Variants in CORO2B observed in about 807,000 individuals in gnomAD.
CORO2B encodes the protein coronin 2B.
Under a neutral mutation model 58.8 loss-of-function variants are expected in CORO2B, and 26 were observed. That is an observed-to-expected ratio of 0.44 (90% CI 0.32 to 0.61). The LOEUF is 0.61. CORO2B is among the 20% of genes least tolerant of loss of function. The probability of loss-of-function intolerance (pLI) is 0.04; values close to 1 mark genes in which losing one functional copy is unlikely to be tolerated. For missense variants in CORO2B, 460 were observed against 645.1 expected, an observed-to-expected ratio of 0.71 and a Z score of 3.11; for synonymous variants, 242 against 253.8, an observed-to-expected ratio of 0.95 and a Z score of 0.44.
chr15:68,594,436 C>A (rs1213987717), intron 1 of CORO2B, among the ~76,000 whole-genome samples: 1 of 152,208 alleles, frequency 6.6e-6, no homozygotes, highest in Non-Finnish European at 1.5e-5. Flanking sequence ...GGTTCCCCAG[C>A]CCAGGTGAGC....
chr15:68,555,961 A>G, the CORO2B span, among the ~76,000 whole-genome samples: 5 of 152,226 alleles, frequency 3.3e-5, no homozygotes, highest in African/African-American at 1.2e-4. Flanking sequence ...ATGGTCTGGA[A>G]CTGTCAGAAC....
intron 1 of CORO2B, among the ~76,000 whole-genome samples, chr15:68,609,746 C>T (rs58769702): frequency 2.0e-5 from 3 of 152,208 alleles, no homozygotes; most frequent in African/African-American, 7.2e-5. Context: ...GATGGAAGGC[C>T]GTTGCTCTGG....
intron 2 of CORO2B, among the ~76,000 whole-genome samples, chr15:68,662,145 A>G (rs1209856550): frequency 6.6e-6 from 1 of 152,174 alleles, no homozygotes; most frequent in Non-Finnish European, 1.5e-5. Context: ...TTTTCCTGTT[A>G]TCACGACATT....
At chr15:68,586,410 G>C (rs1378096116) in intron 1 of CORO2B, among the ~76,000 whole-genome samples, 2 of 152,150 alleles carry the variant, frequency 1.3e-5, no homozygotes, top group African/African-American at 4.8e-5. Context: ...TGAGTAGGAG[G>C]TAGCAGGTGA....
upstream of CORO2B, among the ~76,000 whole-genome samples, chr15:68,576,691 C>G (rs370929879): frequency 1.3e-5 from 2 of 152,330 alleles, no homozygotes; most frequent in East Asian, 3.9e-4. Flanking sequence ...AGAGGCTGAC[C>G]TGCCCAAGAC....
intron 1 of CORO2B, among the ~76,000 whole-genome samples, chr15:68,620,094 T>C (rs1450222357): frequency 6.6e-6 from 1 of 152,110 alleles, no homozygotes; most frequent in Non-Finnish European, 1.5e-5. Flanking sequence ...ATATTTTTAG[T>C]AGAGACGGGG....
At chr15:68,631,158 G>A (rs879508538) in intron 1 of CORO2B, among the ~76,000 whole-genome samples, 16 of 152,112 alleles carry the variant, frequency 1.1e-4, no homozygotes, top group Admixed American at 9.8e-4. Flanking sequence ...TGCTCCCAGG[G>A]AACACCTGGA....
chr15:68,711,786 A>G, intron 5 of CORO2B, 80 bp downstream of exon 5: 1 of 1,533,334 alleles, frequency 6.5e-7, no homozygotes. Context: ...TGGAAGAAAA[A>G]GGCTGTGCCA....
At chr15:68,530,432 T>C in the CORO2B span, among the ~76,000 whole-genome samples, 1 of 152,142 alleles carries the variant, frequency 6.6e-6, no homozygotes, top group South Asian at 2.1e-4. Context: ...GAAAATAATA[T>C]GTATTCTTTT....
chr15:68,559,330 G>C, the CORO2B span, among the ~76,000 whole-genome samples: 2 of 152,042 alleles, frequency 1.3e-5, no homozygotes, highest in Non-Finnish European at 2.9e-5. The surrounding 1 kb of genome is among the most constrained non-coding windows in gnomAD (Gnocchi z 4.3). Context: ...CAGAGAGTTT[G>C]GGACTCTCTC....
intron 1 of CORO2B, among the ~76,000 whole-genome samples, chr15:68,618,602 G>A (rs1268808309): frequency 2.0e-5 from 3 of 152,220 alleles, no homozygotes; most frequent in Non-Finnish European, 1.5e-5. Flanking sequence ...ATCACACTTG[G>A]TTCTCAATAA....
the CORO2B span, among the ~76,000 whole-genome samples, chr15:68,541,310 T>C: frequency 6.6e-6 from 1 of 152,192 alleles, no homozygotes; most frequent in Non-Finnish European, 1.5e-5. Flanking sequence ...TTCAGGGTCA[T>C]CATGTTCATT....
At chr15:68,723,798 G>A (rs1156260210) in intron 11 of CORO2B, among the ~76,000 whole-genome samples, 3 of 152,078 alleles carry the variant, frequency 2.0e-5, no homozygotes, top group African/African-American at 4.8e-5. Context: ...TAAAACATGC[G>A]AGGTGTAGTG....
the CORO2B span, among the ~76,000 whole-genome samples, chr15:68,572,019 AT>A: frequency 6.6e-6 from 1 of 152,208 alleles, no homozygotes; most frequent in Admixed American, 6.5e-5. Context: ...AAGAACAGGG[AT>A]AAGCAGGACC....
the CORO2B span, among the ~76,000 whole-genome samples, chr15:68,519,557 T>G: frequency 1.3e-5 from 2 of 152,222 alleles, no homozygotes; most frequent in Non-Finnish European, 1.5e-5. Flanking sequence ...CTCTCCCTCT[T>G]TGTTCGTTGC....
At chr15:68,649,384 G>GT (rs1171251233) in intron 2 of CORO2B, among the ~76,000 whole-genome samples, 2 of 152,132 alleles carry the variant, frequency 1.3e-5, no homozygotes, top group Non-Finnish European at 2.9e-5. Context: ...TGAGTACTGA[G>GT]TGATTGTGTA....
At chr15:68,593,814 G>T (rs563203457) in intron 1 of CORO2B, among the ~76,000 whole-genome samples, 1 of 152,144 alleles carries the variant, frequency 6.6e-6, no homozygotes, top group African/African-American at 2.4e-5. Context: ...CCCATTGTGG[G>T]GTGGGAAGGT....
At chr15:68,672,558 C>T (rs1050435759) in intron 2 of CORO2B, among the ~76,000 whole-genome samples, 4 of 152,150 alleles carry the variant, frequency 2.6e-5, no homozygotes, top group African/African-American at 7.2e-5. Context: ...GGATTACAGA[C>T]GTGAGCCAAG....
intron 1 of CORO2B, among the ~76,000 whole-genome samples, chr15:68,610,319 A>G (rs779783122): frequency 2.0e-5 from 3 of 152,114 alleles, no homozygotes; most frequent in Non-Finnish European, 4.4e-5. Flanking sequence ...CCTGCCCTGA[A>G]GTGCTGCACT....
Sources: gnomAD v4.1 joint callset for allele counts (sites outside exome capture counted in the v4.1 genomes callset) on GRCh38, gnomAD v4.1.1 for gene constraint, Gnocchi (gnomAD v3.1) non-coding constraint, MANE v1.5 for transcripts, NCBI Gene and HGNC (gene_info 2026-07-23, HGNC 2026-07-21) for gene names.